The following SLC36A2 variants were observed in gnomAD, a reference collection of about 807,000 sequenced individuals.
SLC36A2 encodes solute carrier family 36 member 2, also known as proton-coupled amino acid transporter 2.
Under a neutral mutation model 42.7 loss-of-function variants are expected in SLC36A2, and 39 were observed. The ratio of observed to expected loss-of-function variants is 0.91; its 90% CI spans 0.71 to 1.19. The LOEUF (loss-of-function observed/expected upper bound fraction) is 1.19. SLC36A2 is among the 50% of genes most tolerant of loss of function. The pLI is 0.00. For synonymous variants in SLC36A2, 237 were observed against 240.8 expected (o/e 0.98, Z 0.15); for missense variants, 590 against 613.7 (o/e 0.96, Z 0.41).
At chr5:151,317,193 T>A (rs1755525709) in intron 9 of SLC36A2, 105 bp from the exon 10 acceptor site, 2 of 1,448,182 alleles carry the variant, frequency 1.4e-6, no homozygotes, top group South Asian at 2.5e-5. Flanking sequence ...GGCTCACACT[T>A]GTAATCCCAG....
intron 4 of SLC36A2, among the ~76,000 whole-genome samples, chr5:151,339,362 T>C (rs1336232729): frequency 5.3e-5 from 8 of 151,886 alleles, no homozygotes; most frequent in African/African-American, 1.9e-4. Context: ...TTGCCCAGGC[T>C]GGAGTGCAAT....
rs400878 is a variant in SLC36A2, at chr5:151,316,610, T to C, written c.*207A>G. ...ACAAAATTAGCCAGGCGTGCTGGACTATGCCTCTAATCCCAACTACTCGGG... is the reference window on the plus strand; with the variant it reads ...ACAAAATTAGCCAGGCGTGCTGGACCATGCCTCTAATCCCAACTACTCGGG... On this transcript the variant is annotated 3_prime_UTR_variant, in exon 10 of 10. Transcript: ENST00000335244. 379,583 of 596,652 alleles carry C rather than the reference T, an allele frequency of 0.64. 125,132 individuals carry two copies. Among genetic ancestry groups the C allele is most frequent in the East Asian group, 0.99 (30,470 of 30,840 alleles). The allele number at this position is 596,652 out of a possible 1,614,324, so 37.0% of individuals were successfully genotyped here.
At chr5:151,323,211 G>A (rs947644501) in intron 8 of SLC36A2, among the ~76,000 whole-genome samples, 1 of 151,592 alleles carries the variant, frequency 6.6e-6, no homozygotes, top group Non-Finnish European at 1.5e-5. Flanking sequence ...CTCTAGCCTG[G>A]GCGACAGAGT....
chr5:151,324,299 T>C (rs904382558), intron 8 of SLC36A2, among the ~76,000 whole-genome samples: 10 of 151,086 alleles, frequency 6.6e-5, no homozygotes, highest in African/African-American at 2.4e-4. Flanking sequence ...TGTGCCACCA[T>C]GCCTGGCTTA....
chr5:151,343,175 G>A (rs1170621910), intron 3 of SLC36A2, among the ~76,000 whole-genome samples, 192 bp from the exon 4 acceptor site: 3 of 152,104 alleles, frequency 2.0e-5, no homozygotes, highest in Non-Finnish European at 4.4e-5. Flanking sequence ...TAAATGAGGC[G>A]GAGACTACAC....
chr5:151,321,530 G>A (rs1755689527), intron 9 of SLC36A2, among the ~76,000 whole-genome samples: 1 of 152,012 alleles, frequency 6.6e-6, no homozygotes, highest in Admixed American at 6.5e-5. Context: ...CCCTTAGGCT[G>A]AACACCAACA....
intron 2 of SLC36A2, among the ~76,000 whole-genome samples, 193 bp from the exon 3 acceptor site, chr5:151,343,791 C>T (rs755398213): frequency 6.6e-6 from 1 of 152,118 alleles, no homozygotes; most frequent in African/African-American, 2.4e-5. Flanking sequence ...TCCAATAAAG[C>T]ACATAAAGCA....
intron 7 of SLC36A2, among the ~76,000 whole-genome samples, chr5:151,332,032 A>G (rs903625210): frequency 2.6e-5 from 4 of 152,004 alleles, no homozygotes; most frequent in African/African-American, 9.7e-5. Context: ...ACTCCCAGTT[A>G]ATTTTTGCAT....
intron 9 of SLC36A2, among the ~76,000 whole-genome samples, chr5:151,318,866 C>T (rs983607197): frequency 4.6e-5 from 7 of 152,000 alleles, no homozygotes; most frequent in East Asian, 3.9e-4. Context: ...TTTAGCAGGA[C>T]GTTTTACAGA....
intron 4 of SLC36A2, 56 bp downstream of exon 4, chr5:151,342,832 C>T (rs1471319207): frequency 6.9e-7 from 1 of 1,447,896 alleles, no homozygotes; most frequent in African/African-American, 1.4e-5. Flanking sequence ...ACCCTGATAG[C>T]AGCATTTTCT....
chr5:151,324,960 C>A (rs763423528), intron 8 of SLC36A2, among the ~76,000 whole-genome samples: 2 of 152,150 alleles, frequency 1.3e-5, no homozygotes, highest in African/African-American at 4.8e-5. Flanking sequence ...GGCCACCTCC[C>A]GACTCCTCTC....
At chr5:151,330,799 C>T (rs1755974549) in intron 7 of SLC36A2, among the ~76,000 whole-genome samples, 1 of 152,122 alleles carries the variant, frequency 6.6e-6, no homozygotes, top group South Asian at 2.1e-4. Context: ...AAAATTTTGA[C>T]AGTTTACTAG....
At chr5:151,325,488 T>C (rs1318617454) in intron 7 of SLC36A2, 36 bp from the exon 8 acceptor site, 3 of 1,610,058 alleles carry the variant, frequency 1.9e-6, no homozygotes, top group Non-Finnish European at 1.7e-6. Flanking sequence ...GGAGAAAGAG[T>C]AACATGAACA....
intron 7 of SLC36A2, among the ~76,000 whole-genome samples, chr5:151,328,039 C>T (rs1257533046): frequency 6.6e-6 from 1 of 152,194 alleles, no homozygotes; most frequent in African/African-American, 2.4e-5. Context: ...CAAATATTGT[C>T]ATCAGTTTAG....
chr5:151,335,266 C>T, intron 6 of SLC36A2, 63 bp downstream of exon 6: 1 of 1,313,208 alleles, frequency 7.6e-7, no homozygotes, highest in Non-Finnish European at 1.1e-6. Context: ...ATCTAAAGCT[C>T]AGTCTATCCT....
chr5:151,316,805 G>GC lies in SLC36A2; in HGVS notation c.*11dup, dbSNP rs1755506697. The GC allele has an allele frequency of 1.9e-6, 3 of 1,612,000 alleles. No homozygotes were observed. The Admixed American group carries it at 5.0e-5, about 27-fold the overall frequency. On this transcript the variant is annotated 3_prime_UTR_variant, in exon 10 of 10. Transcript: ENST00000335244. ...AAAGTCGGGTGCTGGTAGGCAAGGA[G>GC]CAGTGCCAGGCTCACCGAACAAAAG...
chr5:151,316,325 AAAG>A lies in SLC36A2; in HGVS notation c.*489_*491del, dbSNP rs1212572175. On this transcript the variant is annotated 3_prime_UTR_variant, in exon 10 of 10. Transcript: ENST00000335244. ...ATGTAGTGGAATGCCAGAGGTATGA[AAAG>A]AAGAAGTAATAAACAAAACAAAAAT... 5 of 165,728 alleles carry A rather than the reference AAAG, an allele frequency of 3.0e-5. No homozygotes were observed. The highest frequency in any genetic ancestry group is 5.3e-5 in the Non-Finnish European group (4 of 75,996). The allele number at this position is 165,728 out of a possible 1,614,324, so 10.3% of individuals were successfully genotyped here.
At chr5:151,345,091 C>T (rs1756456778) in intron 1 of SLC36A2, among the ~76,000 whole-genome samples, 1 of 152,108 alleles carries the variant, frequency 6.6e-6, no homozygotes, top group Admixed American at 6.5e-5. Context: ...AAGTCTAAAC[C>T]ATCAGGAGAA....
chr5:151,322,290 T>C (rs1304994192), intron 8 of SLC36A2, 75 bp from the exon 9 acceptor site: 9 of 1,544,448 alleles, frequency 5.8e-6, no homozygotes, highest in Non-Finnish European at 8.0e-6. Context: ...CATTAACCTC[T>C]GACCTTGGGA....
Sources: gnomAD v4.1 joint callset for allele counts (sites outside exome capture counted in the v4.1 genomes callset) on GRCh38, gnomAD v4.1.1 for gene constraint, MANE v1.5 for transcripts, NCBI Gene and HGNC (gene_info 2026-07-23, HGNC 2026-07-21) for gene names.